The following ZDHHC2 variants were observed in gnomAD, a reference collection of about 807,000 sequenced individuals.
The protein encoded by ZDHHC2 is zDHHC palmitoyltransferase 2, also known as palmitoyltransferase ZDHHC2.
Under a neutral mutation model 55.6 loss-of-function variants are expected in ZDHHC2, and 51 were observed. That is an observed-to-expected ratio of 0.92 (90% CI 0.73 to 1.16). The LOEUF (loss-of-function observed/expected upper bound fraction) is 1.16, where lower values mean the gene tolerates loss of function less well. ZDHHC2 is among the 50% of genes most tolerant of loss of function. The probability of loss-of-function intolerance (pLI) is 0.00; values close to 1 mark genes in which losing one functional copy is unlikely to be tolerated. For synonymous variants in ZDHHC2, 199 were observed against 152.9 expected, an observed-to-expected ratio of 1.30 and a Z score of -2.22; for missense variants, 491 against 442.4, an observed-to-expected ratio of 1.11 and a Z score of -0.99.
chr8:17,159,680 A>C (rs927107917), intron 1 of ZDHHC2, among the ~76,000 whole-genome samples: 1 of 152,232 alleles, frequency 6.6e-6, no homozygotes, highest in African/African-American at 2.4e-5. Context: ...TATATGTAAA[A>C]TATATGGGAT....
At chr8:17,207,727 G>A (rs895249024) in intron 7 of ZDHHC2, among the ~76,000 whole-genome samples, 2 of 151,688 alleles carry the variant, frequency 1.3e-5, no homozygotes, top group African/African-American at 4.8e-5. Flanking sequence ...GAAAAACACA[G>A]TTTATATTCC....
chr8:17,213,975 A>G (rs1054871367), intron 10 of ZDHHC2, among the ~76,000 whole-genome samples: 2 of 152,202 alleles, frequency 1.3e-5, no homozygotes, highest in Non-Finnish European at 2.9e-5. Flanking sequence ...CTAAAATTTT[A>G]GATATGAGGT....
intron 1 of ZDHHC2, among the ~76,000 whole-genome samples, chr8:17,161,340 A>G (rs2705204): frequency 0.38 from 57,561 of 152,090 alleles, 12,316 homozygotes; most frequent in Middle Eastern, 0.51. Flanking sequence ...CTATTACTTT[A>G]AAAACTGTGT....
At chr8:17,214,931 T>C (rs953392216) in intron 10 of ZDHHC2, among the ~76,000 whole-genome samples, 1 of 152,110 alleles carries the variant, frequency 6.6e-6, no homozygotes, top group African/African-American at 2.4e-5. Flanking sequence ...AATAAAATAC[T>C]GTTATTAAGT....
intron 1 of ZDHHC2, among the ~76,000 whole-genome samples, 185 bp downstream of exon 1, chr8:17,157,038 C>T (rs1159644619): frequency 6.6e-6 from 1 of 152,098 alleles, no homozygotes; most frequent in Non-Finnish European, 1.5e-5. Flanking sequence ...GCACGCCCCT[C>T]GCCCTCCCCT....
chr8:17,167,866 A>C (rs1168591012), intron 1 of ZDHHC2, among the ~76,000 whole-genome samples: 1 of 126,150 alleles, frequency 7.9e-6, no homozygotes, highest in South Asian at 2.6e-4. Context: ...AGTGAAATGC[A>C]TTTGCAGGAA....
intron 1 of ZDHHC2, among the ~76,000 whole-genome samples, chr8:17,160,352 T>C (rs940480635): frequency 1.3e-5 from 2 of 152,246 alleles, no homozygotes; most frequent in South Asian, 2.1e-4. Context: ...TTTATGATGA[T>C]GTTGCGCAGT....
chr8:17,170,297 T>C (rs1265413137), intron 1 of ZDHHC2, among the ~76,000 whole-genome samples: 1 of 152,230 alleles, frequency 6.6e-6, no homozygotes, highest in African/African-American at 2.4e-5. Context: ...TTAATAGATA[T>C]TGTGACCCAG....
intron 6 of ZDHHC2, among the ~76,000 whole-genome samples, chr8:17,199,232 C>A (rs1335009555): frequency 6.6e-6 from 1 of 152,156 alleles, no homozygotes; most frequent in African/African-American, 2.4e-5. Context: ...ATTATGGTAT[C>A]CTGTATCTTT....
Position 17,193,850 on chromosome 8 carries a change from T to C in ZDHHC2, c.253-1654T>C, listed in dbSNP as rs139394582. 1.0e-3 allele frequency among the ~76,000 whole-genome samples: 157 copies of C among 152,280 alleles called. 1 individual carries two copies. The highest frequency in any genetic ancestry group is 3.6e-3 in the African/African-American group (149 of 41,558). The stretch of plus-strand genomic sequence containing the variant: ...TTGTTACATAGGTATACACGTGCCA[T>C]GGTGATTTGCTGCACCCATCAACCC... On this transcript the variant is annotated intron_variant, in intron 3 of 12. Coordinates refer to ENST00000262096, the MANE Select transcript of ZDHHC2 (RefSeq NM_016353.5).
chr8:17,174,926 C>G (rs1405425154), intron 1 of ZDHHC2, among the ~76,000 whole-genome samples: 1 of 151,644 alleles, frequency 6.6e-6, no homozygotes, highest in East Asian at 1.9e-4. Context: ...AGAGTTTTAC[C>G]ATGTTGCCAA....
intron 8 of ZDHHC2, among the ~76,000 whole-genome samples, chr8:17,209,135 T>G (rs1807248131): frequency 6.6e-6 from 1 of 152,162 alleles, no homozygotes; most frequent in Non-Finnish European, 1.5e-5. Context: ...CTTATTCAAG[T>G]CTCAGTCTGT....
At chr8:17,180,092 G>A (rs905565890) in intron 1 of ZDHHC2, among the ~76,000 whole-genome samples, 5 of 152,182 alleles carry the variant, frequency 3.3e-5, no homozygotes, top group African/African-American at 1.2e-4. Flanking sequence ...TGTAATAATA[G>A]CAATGCTTTT....
intron 6 of ZDHHC2, among the ~76,000 whole-genome samples, chr8:17,203,210 C>T (rs989372314): frequency 1.3e-5 from 2 of 151,622 alleles, no homozygotes; most frequent in African/African-American, 4.9e-5. Context: ...CAGACGTGCA[C>T]CACCATGCCA....
intron 7 of ZDHHC2, 129 bp downstream of exon 7, chr8:17,205,904 A>G (rs1039743568): frequency 9.0e-5 from 76 of 846,656 alleles, no homozygotes; most frequent in Non-Finnish European, 1.2e-4. Context: ...AGTCCTCATT[A>G]TTCGCAGATT....
In ZDHHC2 at chr8:17,156,721, A is replaced by G. The variant is rs962876589; in HGVS notation, c.-3A>G. On this transcript the variant is annotated 5_prime_UTR_variant, in exon 1 of 13. Coordinates refer to ENST00000262096, the MANE Select transcript of ZDHHC2 (RefSeq NM_016353.5). ...GAGCTGGGCAGGTGGATGCGGCTGG[A>G]AGATGGCGCCCTCGGGCCCGGGCAG... The G allele has an allele frequency of 1.1e-5, 16 of 1,465,204 alleles. No individual in the cohort carries two copies. Among genetic ancestry groups the G allele is most frequent in the Non-Finnish European group, 1.4e-5 (15 of 1,105,494 alleles). The allele number at this position is 1,465,204 out of a possible 1,614,324, so 90.8% of individuals were successfully genotyped here.
chr8:17,165,505 A>G (rs1804558586), intron 1 of ZDHHC2, among the ~76,000 whole-genome samples: 1 of 152,242 alleles, frequency 6.6e-6, no homozygotes, highest in Non-Finnish European at 1.5e-5. Flanking sequence ...AGGAGGGGGA[A>G]GGGTAGTGAT....
At chr8:17,210,340 C>G (rs930166422) in intron 9 of ZDHHC2, 48 bp from the exon 10 acceptor site, 1 of 1,568,682 alleles carries the variant, frequency 6.4e-7, no homozygotes, top group Non-Finnish European at 8.7e-7. Context: ...GGGTTTCACT[C>G]CGTTGTCTTT....
chr8:17,195,806 G>A (rs1270302729), intron 4 of ZDHHC2, among the ~76,000 whole-genome samples, 182 bp downstream of exon 4: 2 of 152,166 alleles, frequency 1.3e-5, no homozygotes, highest in Non-Finnish European at 2.9e-5. Flanking sequence ...AACACGAATA[G>A]CACTGTGGCA....
Sources: gnomAD v4.1 joint callset for allele counts (sites outside exome capture counted in the v4.1 genomes callset) on GRCh38, gnomAD v4.1.1 for gene constraint, MANE v1.5 for transcripts, NCBI Gene and HGNC (gene_info 2026-07-23, HGNC 2026-07-21) for gene names.